UVRAG: variants seen among roughly 807,000 people sequenced by gnomAD.
The protein encoded by UVRAG is UV radiation resistance-associated gene protein.
UVRAG carries 19 observed loss-of-function variants against 78.0 expected under a neutral mutation model. The observed-to-expected ratio is 0.24, with a 90% CI of 0.17 to 0.36. UVRAG has a LOEUF of 0.36. Among genes scored for constraint, UVRAG ranks in the 10% least tolerant of loss-of-function variants. UVRAG has a pLI of 1.00. For synonymous variants in UVRAG, 323 were observed against 324.6 expected, an observed-to-expected ratio of 1.00 and a Z score of 0.05; for missense variants, 740 against 853.8, an observed-to-expected ratio of 0.87 and a Z score of 1.66.
chr11:76,109,069 GT>G (rs1428545693), intron 13 of UVRAG, among the ~76,000 whole-genome samples: 2 of 151,602 alleles, frequency 1.3e-5, no homozygotes, highest in Non-Finnish European at 2.9e-5. Context: ...TACAAAAGGT[GT>G]TTATTTCAGA....
At chr11:76,002,739 C>A (rs1452723554) in intron 8 of UVRAG, among the ~76,000 whole-genome samples, 1 of 152,070 alleles carries the variant, frequency 6.6e-6, no homozygotes, top group Non-Finnish European at 1.5e-5. Flanking sequence ...TCCCAACTTA[C>A]TGGTCTTCAT....
chr11:76,078,453 A>C (rs1465218218), intron 13 of UVRAG, among the ~76,000 whole-genome samples: 1 of 152,038 alleles, frequency 6.6e-6, no homozygotes, highest in Non-Finnish European at 1.5e-5. Context: ...TATTGGTTTA[A>C]AAATATATAT....
At chr11:76,058,127 T>A (rs1009285781) in intron 12 of UVRAG, among the ~76,000 whole-genome samples, 6 of 152,196 alleles carry the variant, frequency 3.9e-5, no homozygotes, top group African/African-American at 1.4e-4. Flanking sequence ...ATTCATGTTA[T>A]AATCTATCCC....
At chr11:75,943,897 T>A (rs904986534) in intron 6 of UVRAG, among the ~76,000 whole-genome samples, 4 of 152,176 alleles carry the variant, frequency 2.6e-5, no homozygotes, top group African/African-American at 9.7e-5. Flanking sequence ...TTGGGTAGAC[T>A]CCTGGTCTTT....
At chr11:76,124,728 C>T (rs946674006) in intron 14 of UVRAG, among the ~76,000 whole-genome samples, 1 of 152,232 alleles carries the variant, frequency 6.6e-6, no homozygotes, top group Admixed American at 6.5e-5. Flanking sequence ...GTAAAATCTC[C>T]AGATAGTCCT....
chr11:75,979,681 G>C (rs372158814), intron 7 of UVRAG: 2 of 152,688 alleles, frequency 1.3e-5, no homozygotes, highest in African/African-American at 2.4e-5. Flanking sequence ...TGAGCCAGGC[G>C]CGGGATATAA....
intron 1 of UVRAG, among the ~76,000 whole-genome samples, chr11:75,836,452 A>G (rs1488973682): frequency 6.6e-6 from 1 of 152,200 alleles, no homozygotes; most frequent in Non-Finnish European, 1.5e-5. Flanking sequence ...TGGGTACACC[A>G]TGTATTCGCT....
At chr11:75,962,771 G>T (rs1948933810) in intron 7 of UVRAG, among the ~76,000 whole-genome samples, 1 of 152,044 alleles carries the variant, frequency 6.6e-6, no homozygotes. Context: ...GAACCCTTGG[G>T]GAAAATTGCT....
intron 9 of UVRAG, among the ~76,000 whole-genome samples, chr11:76,005,363 C>T (rs1368537349): frequency 6.6e-6 from 1 of 151,962 alleles, no homozygotes; most frequent in Non-Finnish European, 1.5e-5. Flanking sequence ...AAGTGCTAGA[C>T]CTATAGAAAA....
chr11:75,944,142 C>T (rs1948540544), intron 6 of UVRAG, among the ~76,000 whole-genome samples: 1 of 152,124 alleles, frequency 6.6e-6, no homozygotes, highest in Admixed American at 6.6e-5. Context: ...CACTCTGCTT[C>T]CTTAATGACT....
chr11:75,913,589 T>TC (rs1947782453), intron 6 of UVRAG, among the ~76,000 whole-genome samples: 1 of 152,178 alleles, frequency 6.6e-6, no homozygotes, highest in African/African-American at 2.4e-5. Flanking sequence ...AAGTCCTTCA[T>TC]GCATCAGGGA....
intron 12 of UVRAG, among the ~76,000 whole-genome samples, chr11:76,055,128 A>G (rs1192390538): frequency 1.3e-5 from 2 of 152,106 alleles, no homozygotes; most frequent in Non-Finnish European, 2.9e-5. Context: ...GCTCACTGCA[A>G]CCTTCATCTC....
At chr11:76,034,908 T>C (rs1950503901) in intron 12 of UVRAG, among the ~76,000 whole-genome samples, 2 of 152,194 alleles carry the variant, frequency 1.3e-5, no homozygotes, top group African/African-American at 4.8e-5. Context: ...TAGCTAGTTA[T>C]GGGAATTTAC....
At chr11:76,137,290 C>G (rs1181694404) in intron 14 of UVRAG, 1 of 455,024 alleles carries the variant, frequency 2.2e-6, no homozygotes, top group Admixed American at 2.4e-5. Flanking sequence ...CCAGAGGGGA[C>G]TCGAAGAACC....
intron 13 of UVRAG, among the ~76,000 whole-genome samples, chr11:76,096,110 T>C (rs1364844015): frequency 6.6e-6 from 1 of 152,160 alleles, no homozygotes; most frequent in East Asian, 1.9e-4. Context: ...GTCAGAACCA[T>C]GCAAGGCAGC....
chr11:76,100,444 C>T (rs1241502392), intron 13 of UVRAG, among the ~76,000 whole-genome samples: 1 of 152,124 alleles, frequency 6.6e-6, no homozygotes, highest in Non-Finnish European at 1.5e-5. Flanking sequence ...CACTGGCTTA[C>T]CTCATCTAAA....
At chr11:75,990,393 A>G (rs988129685) in intron 8 of UVRAG, among the ~76,000 whole-genome samples, 2 of 152,346 alleles carry the variant, frequency 1.3e-5, no homozygotes, top group Admixed American at 6.5e-5. Context: ...TGTGAACCAC[A>G]TTTTGTGTAG....
intron 9 of UVRAG, among the ~76,000 whole-genome samples, chr11:76,005,556 T>C (rs535091715): frequency 6.6e-6 from 1 of 152,314 alleles, no homozygotes; most frequent in African/African-American, 2.4e-5. Flanking sequence ...TACAACACTT[T>C]TAACATTAGA....
chr11:76,056,122 C>G (rs1950981130), intron 12 of UVRAG, among the ~76,000 whole-genome samples: 1 of 152,216 alleles, frequency 6.6e-6, no homozygotes, highest in Non-Finnish European at 1.5e-5. Context: ...ACTTCCCTCT[C>G]TCTTTTTTCT....
Sources: allele counts gnomAD v4.1 joint callset (sites outside exome capture counted in the v4.1 genomes callset), GRCh38; gene constraint gnomAD v4.1.1; transcripts MANE v1.5; gene names NCBI Gene and HGNC (gene_info 2026-07-23, HGNC 2026-07-21).